COX15: variants seen among roughly 807,000 people sequenced by gnomAD.
The protein encoded by COX15 is heme A synthase COX15.
Under a neutral mutation model 51.9 loss-of-function variants are expected in COX15, and 51 were observed. The observed-to-expected ratio is 0.98, with a 90% CI of 0.78 to 1.24. The LOEUF (loss-of-function observed/expected upper bound fraction) is 1.24. COX15 is among the 50% of genes most tolerant of loss of function. The pLI, the probability that COX15 is intolerant of heterozygous loss-of-function variation, is 0.00. For missense variants in COX15, 420 were observed against 501.1 expected (o/e 0.84, Z 1.55); for synonymous variants, 188 against 190.5 (o/e 0.99, Z 0.11).
At chr10:99,697,827 T>C in the COX15 span, 1 of 153,278 alleles carries the variant, frequency 6.5e-6, no homozygotes, top group African/African-American at 2.4e-5. Context: ...ATTGGCAAAG[T>C]TACTTGGACC....
At chr10:99,714,889 AC>A (rs981182445) in intron 8 of COX15, among the ~76,000 whole-genome samples, 171 bp from the exon 9 acceptor site, 3 of 152,222 alleles carry the variant, frequency 2.0e-5, no homozygotes, top group African/African-American at 7.2e-5. Context: ...AGAAATTCGA[AC>A]AAAATTGATA....
In COX15 at chr10:99,718,620, T is replaced by C. The variant is rs144741108; in HGVS notation, c.833-120A>G. On this transcript the variant is annotated intron_variant, in intron 6 of 8. Coordinates refer to ENST00000016171, the MANE Select transcript of COX15 (RefSeq NM_078470.6). The stretch of plus-strand genomic sequence containing the variant: ...AACTAAGGGAACAGTCAGAGAATAA[T>C]AGACATATCTGCAACAGGAGTTCTC... The C allele has an allele frequency of 5.1e-4, 511 of 1,010,582 alleles. 2 individuals are homozygous for C. The Admixed American group carries it at 5.2e-3, about 10-fold the overall frequency. The allele number at this position is 1,010,582 out of a possible 1,614,324, so 62.6% of individuals were successfully genotyped here. A position where few individuals can be genotyped will look rare whatever the true frequency, so the allele number is the denominator to read the frequency against.
chr10:99,710,156 G>A (rs1218785694), downstream of COX15: 2 of 985,252 alleles, frequency 2.0e-6, no homozygotes, highest in Admixed American at 6.2e-5. Flanking sequence ...TCCACTCCAA[G>A]GCAGCCCTGG....
At chr10:99,716,641 C>T (rs2036589452) in intron 7 of COX15, 180 bp from the exon 8 acceptor site, 1 of 570,282 alleles carries the variant, frequency 1.8e-6, no homozygotes, top group Non-Finnish European at 3.2e-6. Flanking sequence ...CCACCATCCT[C>T]TTCTGCTTGC....
At chr10:99,715,101 G>A (rs962331898) in intron 8 of COX15, among the ~76,000 whole-genome samples, 4 of 152,060 alleles carry the variant, frequency 2.6e-5, no homozygotes, top group Non-Finnish European at 5.9e-5. Context: ...TTAAACTGCT[G>A]TGCAGTATCG....
the COX15 span, chr10:99,700,825 T>A: frequency 1.4e-6 from 1 of 709,218 alleles, no homozygotes; most frequent in East Asian, 2.5e-5. Context: ...TATGACGCAG[T>A]GTTTAGTGAA....
chr10:99,719,088 G>A (rs964597316), intron 6 of COX15, among the ~76,000 whole-genome samples: 19 of 152,198 alleles, frequency 1.2e-4, no homozygotes, highest in Non-Finnish European at 2.6e-4. Flanking sequence ...ATACGGAAGT[G>A]AGAAAAATCC....
chr10:99,705,067 A>T, the COX15 span: 212 of 227,600 alleles, frequency 9.3e-4, no homozygotes, highest in African/African-American at 4.5e-3. Context: ...GTAGCATCTG[A>T]TACAAAGCCA....
intron 3 of COX15, 108 bp downstream of exon 3, chr10:99,727,333 C>T: frequency 1.3e-6 from 2 of 1,540,786 alleles, no homozygotes; most frequent in African/African-American, 1.4e-5. Context: ...GCTGACTAAA[C>T]ATAACTGAAC....
chr10:99,700,373 A>G, the COX15 span, among the ~76,000 whole-genome samples: 2 of 149,658 alleles, frequency 1.3e-5, no homozygotes, highest in African/African-American at 2.5e-5. Context: ...TTCCCTGAGC[A>G]TTTATGTTAT....
intron 6 of COX15, among the ~76,000 whole-genome samples, chr10:99,718,981 T>A (rs1367745490): frequency 2.6e-5 from 4 of 152,216 alleles, no homozygotes; most frequent in Non-Finnish European, 5.9e-5. Flanking sequence ...GACCCTAATT[T>A]ATTTTTCTTC....
chr10:99,727,247 C>A, intron 3 of COX15, 93 bp from the exon 4 acceptor site: 1 of 1,499,150 alleles, frequency 6.7e-7, no homozygotes, highest in Non-Finnish European at 9.2e-7. Flanking sequence ...TTTCTCAGTC[C>A]TGCAACTTGG....
chr10:99,723,638 T>C (rs1188625233), intron 5 of COX15, among the ~76,000 whole-genome samples: 1 of 152,204 alleles, frequency 6.6e-6, no homozygotes, highest in Non-Finnish European at 1.5e-5. Flanking sequence ...AGGTTTACTA[T>C]TAGACTTAAC....
Position 99,713,896 on chromosome 10 carries a change from G to T in COX15, c.*691C>A, listed in dbSNP as rs1437185889. ...AGGCATGAGAATCGCTTGAACCTGG[G>T]AAGTGGAGGTTGCAGAGTGAGCTGA... On this transcript the variant is annotated 3_prime_UTR_variant, in exon 9 of 9. Transcript: ENST00000016171. 1.4e-5 allele frequency: 9 copies of T among 629,214 alleles called. No homozygotes were observed. In the African/African-American group the frequency reaches 1.6e-4, roughly 11 times the overall value. The allele number at this position is 629,214 out of a possible 1,614,324, so 39.0% of individuals were successfully genotyped here. A position where few individuals can be genotyped will look rare whatever the true frequency, so the allele number is the denominator to read the frequency against.
intron 5 of COX15, among the ~76,000 whole-genome samples, chr10:99,721,815 ATTTT>A (rs1590092970): frequency 6.6e-6 from 1 of 152,028 alleles, no homozygotes; most frequent in Non-Finnish European, 1.5e-5. Flanking sequence ...TAAAAAATTA[ATTTT>A]ATTTAAATAT....
Position 99,712,622 on chromosome 10 carries a change from TC to T in COX15, c.*1964del. On this transcript the variant is annotated 3_prime_UTR_variant, in exon 9 of 9. Coordinates refer to ENST00000016171, the MANE Select transcript of COX15 (RefSeq NM_078470.6). ...AAATAAACTTAAGATAAGCTTATTT[TC>T]CTTATTTCAAAAAGCAAAACAAAAA... 5.1e-6 allele frequency: 5 copies of T among 984,070 alleles called. No homozygotes were observed. The African/African-American group carries it at 8.7e-5, about 17-fold the overall frequency. 61.0% of individuals were successfully genotyped at this position (984,070 alleles called of 1,614,324 possible).
chr10:99,723,508 C>G (rs1191089738), intron 5 of COX15, among the ~76,000 whole-genome samples: 1 of 152,106 alleles, frequency 6.6e-6, no homozygotes, highest in Non-Finnish European at 1.5e-5. Flanking sequence ...CTTGGAACCT[C>G]TATTATTAAT....
chr10:99,712,620 T>C lies in COX15; in HGVS notation c.*1967A>G. The C allele has an allele frequency of 3.0e-6, 3 of 984,092 alleles. No individual in the cohort carries two copies. Among genetic ancestry groups the C allele is most frequent in the Non-Finnish European group, 3.6e-6 (3 of 828,742 alleles). The allele number at this position is 984,092 out of a possible 1,614,324, so 61.0% of individuals were successfully genotyped here. On this transcript the variant is annotated 3_prime_UTR_variant, in exon 9 of 9. Coordinates refer to ENST00000016171, the MANE Select transcript of COX15 (RefSeq NM_078470.6). ...AAAAATAAACTTAAGATAAGCTTATTTTCCTTATTTCAAAAAGCAAAACAA... is the reference window on the plus strand; with the variant it reads ...AAAAATAAACTTAAGATAAGCTTATCTTCCTTATTTCAAAAAGCAAAACAA...
At position 99,729,713 on chromosome 10, in the gene COX15, A is replaced by G. The variant is rs1485407116; in HGVS notation, c.112T>C (p.Leu38=). 2 of 1,614,032 alleles carry G rather than the reference A, an allele frequency of 1.2e-6. No individual in the cohort carries two copies. Among genetic ancestry groups the G allele is most frequent in the African/African-American group, 2.7e-5 (2 of 74,932 alleles). The change falls in exon 2 of 9, where the codon TTG becomes CTG. Residue 38 remains leucine, a synonymous_variant. Transcript: ENST00000016171. The stretch of plus-strand genomic sequence containing the variant: ...ATGGTGCTGTATTGCCCTGGCCTCA[A>G]AGGGCGCCTGATGCAATCACACTAA... ...RAQCDCIRRP[L]RPGQYSTISE...
Sources: gnomAD v4.1 joint callset for allele counts (sites outside exome capture counted in the v4.1 genomes callset) on GRCh38, gnomAD v4.1.1 for gene constraint, MANE v1.5 for transcripts, NCBI Gene and HGNC (gene_info 2026-07-23, HGNC 2026-07-21) for gene names.